The following HTR2C variants were observed in gnomAD, a reference collection of about 807,000 sequenced individuals.
HTR2C encodes the protein 5-hydroxytryptamine receptor 2C.
Under a neutral mutation model 21.0 loss-of-function variants are expected in HTR2C, and 5 were observed. The observed-to-expected ratio is 0.24, with a 90% confidence interval of 0.12 to 0.50. The LOEUF (loss-of-function observed/expected upper bound fraction) is 0.50. Ranked by LOEUF, HTR2C falls within the 20% of genes least tolerant of loss-of-function variation. HTR2C has a pLI of 0.98. For missense variants in HTR2C, 271 were observed against 371.2 expected, an observed-to-expected ratio of 0.73 and a Z score of 2.22; for synonymous variants, 150 against 145.3, an observed-to-expected ratio of 1.03 and a Z score of -0.23.
At chrX:114,755,354 C>T (rs1239297670) in intron 4 of HTR2C, among the ~76,000 whole-genome samples, 1 of 111,566 alleles carries the variant, frequency 9.0e-6, no homozygotes, top group Non-Finnish European at 1.9e-5. Flanking sequence ...TGCTCCCTCC[C>T]TCCAGAGATT....
chrX:114,799,683 A>G (rs2070327624), intron 4 of HTR2C, among the ~76,000 whole-genome samples: 1 of 110,747 alleles, frequency 9.0e-6, no homozygotes, highest in Non-Finnish European at 1.9e-5. Flanking sequence ...TCAAGAAGTT[A>G]GTACTAAGTA....
intron 4 of HTR2C, among the ~76,000 whole-genome samples, chrX:114,793,130 A>T (rs1556444128): frequency 9.0e-6 from 1 of 110,921 alleles, no homozygotes. Context: ...GTTTAATTGG[A>T]TCCCATTTTT....
At chrX:114,884,337 T>G in intron 5 of HTR2C, among the ~76,000 whole-genome samples, 1 of 111,003 alleles carries the variant, frequency 9.0e-6, no homozygotes, top group Admixed American at 9.7e-5. Context: ...TTTTAATTTT[T>G]TAAAAACCTC....
At chrX:114,842,594 A>G (rs782187808) in intron 4 of HTR2C, among the ~76,000 whole-genome samples, 1 of 111,922 alleles carries the variant, frequency 8.9e-6, no homozygotes, top group African/African-American at 3.2e-5. Context: ...AAAGCTACAC[A>G]TGGCGTGCCT....
chrX:114,846,857 A>G (rs782452598), intron 4 of HTR2C, among the ~76,000 whole-genome samples: 1 of 112,169 alleles, frequency 8.9e-6, no homozygotes, highest in South Asian at 3.6e-4. Context: ...GAATAAATCA[A>G]ATTATTTCTA....
chrX:114,802,803 C>G (rs1261432952), intron 4 of HTR2C, among the ~76,000 whole-genome samples: 3 of 100,649 alleles, frequency 3.0e-5, no homozygotes, highest in Middle Eastern at 5.2e-3. Flanking sequence ...CATATGTATT[C>G]ATGTGCCATG....
chrX:114,775,501 T>A lies in HTR2C; in HGVS notation c.349+43894T>A, dbSNP rs1345555181. On this transcript the variant is annotated intron_variant, in intron 4 of 5. Coordinates refer to ENST00000276198, the MANE Select transcript of HTR2C (RefSeq NM_000868.4). The stretch of plus-strand genomic sequence containing the variant: ...TAGATAGGCTGTCAGAAGGTCTCTG[T>A]CTGCTTGGTAGGAATGGTAGTACTA... 9 of 498,859 alleles carry A rather than the reference T, an allele frequency of 1.8e-5. No individual in the cohort carries two copies. The East Asian group carries it at 3.4e-4, about 19-fold the overall frequency. The allele number at this position is 498,859 out of a possible 1,213,427, so 41.1% of individuals were successfully genotyped here.
intron 5 of HTR2C, among the ~76,000 whole-genome samples, chrX:114,865,255 G>A (rs1556474238): frequency 8.9e-6 from 1 of 111,898 alleles, no homozygotes; most frequent in Admixed American, 9.5e-5. Context: ...TTGCAGCATA[G>A]TATTCCACTC....
At chrX:114,904,538 G>C (rs1475931707) in intron 5 of HTR2C, among the ~76,000 whole-genome samples, 2 of 111,548 alleles carry the variant, frequency 1.8e-5, no homozygotes, top group Non-Finnish European at 3.8e-5. Flanking sequence ...GCCAGTCATT[G>C]TTCAGATTTT....
At chrX:114,716,105 G>A (rs1016090696) in intron 2 of HTR2C, among the ~76,000 whole-genome samples, 2 of 112,683 alleles carry the variant, frequency 1.8e-5, no homozygotes, top group African/African-American at 6.4e-5. Flanking sequence ...GTTGTGCTAT[G>A]TGCATACTAA....
chrX:114,806,832 A>C (rs981163551), intron 4 of HTR2C, among the ~76,000 whole-genome samples: 9 of 101,118 alleles, frequency 8.9e-5, no homozygotes, highest in African/African-American at 3.2e-4. Flanking sequence ...ATATATATAC[A>C]CCACATATAT....
chrX:114,713,364 T>C (rs1260580675), intron 2 of HTR2C, among the ~76,000 whole-genome samples: 4 of 111,900 alleles, frequency 3.6e-5, no homozygotes, highest in African/African-American at 1.3e-4. Context: ...CAGTCCATAT[T>C]CAAATTTTAT....
intron 4 of HTR2C, among the ~76,000 whole-genome samples, chrX:114,795,380 T>G (rs1376762259): frequency 9.0e-6 from 1 of 110,882 alleles, no homozygotes; most frequent in Non-Finnish European, 1.9e-5. Flanking sequence ...TAGATCCCAT[T>G]TGTCAATTTT....
In HTR2C at chrX:114,775,379, G is replaced by C. The variant is rs2070046670; in HGVS notation, c.349+43772G>C. The C allele has an allele frequency of 7.5e-6, 4 of 531,540 alleles. No homozygotes were observed. The East Asian group carries it at 1.4e-4, about 19-fold the overall frequency. 43.8% of individuals were successfully genotyped at this position (531,540 alleles called of 1,213,427 possible). A position where few individuals can be genotyped will look rare whatever the true frequency, so the allele number is the denominator to read the frequency against. ...GAACACCATGGGGTGCAGAAGGTAT[G>C]CCTGTGAGTTCAAACTTGTCAAGCA... On this transcript the variant is annotated intron_variant, in intron 4 of 5. Transcript: ENST00000276198.
intron 2 of HTR2C, among the ~76,000 whole-genome samples, chrX:114,644,029 C>T (rs954097680): frequency 2.7e-5 from 3 of 109,278 alleles, no homozygotes; most frequent in Non-Finnish European, 5.7e-5. Context: ...GTGAGTTTGC[C>T]TTGTTTTAGG....
intron 4 of HTR2C, among the ~76,000 whole-genome samples, chrX:114,829,215 C>T (rs2070700871): frequency 9.0e-6 from 1 of 111,091 alleles, no homozygotes; most frequent in African/African-American, 3.3e-5. Flanking sequence ...CAAGACTTGA[C>T]ATTTCTCATT....
intron 2 of HTR2C, among the ~76,000 whole-genome samples, chrX:114,709,871 T>G (rs1556418992): frequency 9.0e-6 from 1 of 111,683 alleles, no homozygotes; most frequent in East Asian, 2.8e-4. Flanking sequence ...CTGCATTTAA[T>G]TTTGTAGTCT....
At chrX:114,675,688 C>T (rs1233879188) in intron 2 of HTR2C, among the ~76,000 whole-genome samples, 3 of 111,579 alleles carry the variant, frequency 2.7e-5, no homozygotes, top group African/African-American at 9.8e-5. Flanking sequence ...ACTCATCATA[C>T]AATATGTGAT....
intron 2 of HTR2C, among the ~76,000 whole-genome samples, chrX:114,698,836 C>T (rs781942167): frequency 4.5e-5 from 5 of 111,499 alleles, no homozygotes; most frequent in South Asian, 3.7e-4. Flanking sequence ...AGTTTCAATG[C>T]GAAAAAAGAG....
Sources: allele counts gnomAD v4.1 joint callset (sites outside exome capture counted in the v4.1 genomes callset), GRCh38; gene constraint gnomAD v4.1.1; transcripts MANE v1.5; gene names NCBI Gene and HGNC (gene_info 2026-07-23, HGNC 2026-07-21).